HCN1: variants seen among roughly 807,000 people sequenced by gnomAD.
HCN1 encodes the protein hyperpolarization activated cyclic nucleotide gated potassium channel 1, also known as potassium/sodium hyperpolarization-activated cyclic nucleotide-gated channel 1.
In HCN1, 13 loss-of-function variants were observed where a neutral mutation model predicts 78.9. That is an observed-to-expected ratio of 0.16 (90% CI 0.11 to 0.26). The LOEUF is 0.26. Among genes scored for constraint, HCN1 ranks in the 10% least tolerant of loss-of-function variants. HCN1 has a pLI of 1.00. For synonymous variants in HCN1, 552 were observed against 455.5 expected, an observed-to-expected ratio of 1.21 and a Z score of -2.70; for missense variants, 810 against 1,154.3, an observed-to-expected ratio of 0.70 and a Z score of 4.32.
intron 3 of HCN1, among the ~76,000 whole-genome samples, chr5:45,411,185 A>G: frequency 6.6e-6 from 1 of 152,024 alleles, no homozygotes; most frequent in East Asian, 1.9e-4. Flanking sequence ...TTGGGGAGAG[A>G]GACAGAGAGA....
At chr5:45,666,970 T>C (rs1037136337) in intron 1 of HCN1, among the ~76,000 whole-genome samples, 3 of 151,910 alleles carry the variant, frequency 2.0e-5, no homozygotes, top group African/African-American at 7.3e-5. Context: ...TAAGAGAAGA[T>C]TTAAAAAGTG....
At chr5:45,667,202 T>G (rs991013268) in intron 1 of HCN1, among the ~76,000 whole-genome samples, 23 of 151,980 alleles carry the variant, frequency 1.5e-4, no homozygotes, top group African/African-American at 5.3e-4. Context: ...CTTTCAACTA[T>G]CAGGAGCCCC....
At chr5:45,387,937 T>C (rs1479979115) in intron 4 of HCN1, among the ~76,000 whole-genome samples, 4 of 152,182 alleles carry the variant, frequency 2.6e-5, no homozygotes, top group Non-Finnish European at 4.4e-5. Flanking sequence ...ATAAAAGCTA[T>C]GTGAATGTTT....
At chr5:45,348,274 T>G (rs926689621) in intron 5 of HCN1, among the ~76,000 whole-genome samples, 4 of 152,108 alleles carry the variant, frequency 2.6e-5, no homozygotes, top group African/African-American at 9.7e-5. Flanking sequence ...CTAAGCTTCA[T>G]AAGTGAAGGA....
At position 45,281,847 on chromosome 5, in the gene HCN1, C is replaced by T. The variant is rs945615616; in HGVS notation, c.1619-14594G>A. 1.1e-4 allele frequency among the ~76,000 whole-genome samples: 17 copies of T among 151,916 alleles called. 1 individual carries two copies. The highest frequency in any genetic ancestry group is 5.3e-4 in the Admixed American group (8 of 15,238). On this transcript the variant is annotated intron_variant, in intron 6 of 7. Transcript: ENST00000303230. The stretch of plus-strand genomic sequence containing the variant: ...GACCTCATGATCTGCCTGCCTCAGC[C>T]TCCCAGTGTTGGGATTACAGGTGTG...
At chr5:45,371,992 T>C (rs1315180937) in intron 4 of HCN1, among the ~76,000 whole-genome samples, 2 of 222 alleles carry the variant, frequency 9.0e-3, no homozygotes, top group Non-Finnish European at 0.022. Context: ...ATATATAATG[T>C]AATATATATA....
At chr5:45,413,211 C>G (rs2112058305) in intron 3 of HCN1, among the ~76,000 whole-genome samples, 1 of 152,038 alleles carries the variant, frequency 6.6e-6, no homozygotes, top group East Asian at 1.9e-4. Context: ...GGTTAAATCC[C>G]AGAACATTTA....
intron 2 of HCN1, among the ~76,000 whole-genome samples, chr5:45,524,788 T>C (rs1742696210): frequency 6.6e-6 from 1 of 152,164 alleles, no homozygotes; most frequent in Non-Finnish European, 1.5e-5. Context: ...AGATATACAG[T>C]CATGTCATCT....
chr5:45,282,667 C>T (rs949373468), intron 6 of HCN1, among the ~76,000 whole-genome samples: 5 of 152,172 alleles, frequency 3.3e-5, no homozygotes, highest in African/African-American at 9.7e-5. Context: ...ATCTCAAATG[C>T]TCCATTTCAA....
At chr5:45,635,645 TA>T (rs1745343145) in intron 2 of HCN1, among the ~76,000 whole-genome samples, 2 of 152,108 alleles carry the variant, frequency 1.3e-5, no homozygotes, top group Admixed American at 6.6e-5. Flanking sequence ...CAGAATTATA[TA>T]ACCAACCAAA....
At chr5:45,492,520 T>TTG (rs1491185613) in intron 2 of HCN1, among the ~76,000 whole-genome samples, 1 of 42,712 alleles carries the variant, frequency 2.3e-5, no homozygotes, top group Admixed American at 2.3e-4. Context: ...AGTTTTTTTG[T>TTG]TTTTTTTTTT....
intron 2 of HCN1, among the ~76,000 whole-genome samples, chr5:45,584,430 C>T (rs541599035): frequency 7.2e-5 from 11 of 152,196 alleles, no homozygotes; most frequent in Middle Eastern, 6.8e-3. Context: ...TTTCTCTGCA[C>T]GTGAGATGGG....
intron 3 of HCN1, among the ~76,000 whole-genome samples, chr5:45,406,899 A>G (rs1473769475): frequency 6.6e-6 from 1 of 152,178 alleles, no homozygotes; most frequent in Non-Finnish European, 1.5e-5. Flanking sequence ...TTAGTTTTAT[A>G]CTTTCCTATT....
intron 2 of HCN1, among the ~76,000 whole-genome samples, chr5:45,523,121 T>C (rs1742649472): frequency 1.3e-5 from 2 of 152,060 alleles, no homozygotes. Context: ...TGGTTTTTTG[T>C]CCTTGTGATA....
At chr5:45,592,454 CAAAT>C (rs1305132271) in intron 2 of HCN1, among the ~76,000 whole-genome samples, 3 of 152,026 alleles carry the variant, frequency 2.0e-5, no homozygotes, top group African/African-American at 7.2e-5. Context: ...AGAAAGAAAA[CAAAT>C]AATAGATGAT....
chr5:45,330,549 G>A (rs1746324445), intron 5 of HCN1, among the ~76,000 whole-genome samples: 1 of 150,384 alleles, frequency 6.6e-6, no homozygotes, highest in Non-Finnish European at 1.5e-5. Context: ...AAATCATCTT[G>A]CCATTCCTAG....
intron 2 of HCN1, among the ~76,000 whole-genome samples, chr5:45,495,717 C>G (rs750830890): frequency 0.013 from 1,915 of 152,116 alleles, 26 homozygotes; most frequent in Middle Eastern, 0.031. Flanking sequence ...TGCCCATTCA[C>G]TATGATATTG....
intron 1 of HCN1, among the ~76,000 whole-genome samples, chr5:45,659,954 C>T (rs1024416596): frequency 2.6e-4 from 38 of 146,156 alleles, no homozygotes; most frequent in East Asian, 8.2e-4. Context: ...ATACAGAGAA[C>T]GCCACAAAGA....
chr5:45,542,576 T>C (rs1167020544), intron 2 of HCN1, among the ~76,000 whole-genome samples: 11 of 152,082 alleles, frequency 7.2e-5, no homozygotes, highest in East Asian at 1.9e-4. Flanking sequence ...AATACTACAG[T>C]GGTGACAGCG....
Sources: allele counts gnomAD v4.1 joint callset (sites outside exome capture counted in the v4.1 genomes callset), GRCh38; gene constraint gnomAD v4.1.1; transcripts MANE v1.5; gene names NCBI Gene and HGNC (gene_info 2026-07-23, HGNC 2026-07-21).